The following CSMD1 variants were observed in gnomAD, a reference collection of about 807,000 sequenced individuals.
CSMD1 encodes CUB and Sushi multiple domains 1, also known as CUB and sushi domain-containing protein 1.
CSMD1 carries 213 observed loss-of-function variants against 417.5 expected under a neutral mutation model. That is an observed-to-expected ratio of 0.51 (90% CI 0.46 to 0.57). CSMD1 has a LOEUF of 0.57. CSMD1 is among the 20% of genes least tolerant of loss of function. CSMD1 has a pLI of 0.00. For synonymous variants in CSMD1, 2,862 were observed against 1,736.8 expected (o/e 1.65, Z -16.11); for missense variants, 6,923 against 4,529.7 (o/e 1.53, Z -15.17).
chr8:3,621,535 C>T (rs951961775), intron 7 of CSMD1, among the ~76,000 whole-genome samples: 13 of 152,128 alleles, frequency 8.5e-5, no homozygotes, highest in East Asian at 5.8e-4. Context: ...GATGGATGTA[C>T]AATAGCATCA....
At chr8:4,462,647 A>G (rs151123071) in intron 2 of CSMD1, among the ~76,000 whole-genome samples, 169 of 152,226 alleles carry the variant, frequency 1.1e-3, no homozygotes, top group African/African-American at 3.4e-3. Flanking sequence ...CACATGGATT[A>G]ATGAAATAAA....
At chr8:4,281,739 T>C (rs1404688775) in intron 3 of CSMD1, among the ~76,000 whole-genome samples, 2 of 152,210 alleles carry the variant, frequency 1.3e-5, no homozygotes, top group Admixed American at 6.5e-5. Flanking sequence ...ATCAATGTAA[T>C]GTCTCTACTT....
At chr8:4,539,950 T>A (rs1355902518) in intron 2 of CSMD1, among the ~76,000 whole-genome samples, 1 of 152,084 alleles carries the variant, frequency 6.6e-6, no homozygotes, top group Non-Finnish European at 1.5e-5. Context: ...CAGCCCAAAC[T>A]CCGCCCCGTC....
chr8:4,329,643 A>T (rs1270685266), intron 3 of CSMD1, among the ~76,000 whole-genome samples: 1 of 152,036 alleles, frequency 6.6e-6, no homozygotes, highest in Non-Finnish European at 1.5e-5. Flanking sequence ...AACCTCAGTG[A>T]TATCGTTTGG....
At chr8:4,225,065 T>C (rs1187239503) in intron 3 of CSMD1, among the ~76,000 whole-genome samples, 3 of 152,122 alleles carry the variant, frequency 2.0e-5, no homozygotes, top group African/African-American at 7.2e-5. Flanking sequence ...TGAGCTGACA[T>C]CACACCACTG....
intron 1 of CSMD1, among the ~76,000 whole-genome samples, chr8:4,990,718 A>G (rs1464028546): frequency 3.3e-5 from 5 of 152,016 alleles, no homozygotes; most frequent in African/African-American, 1.2e-4. Flanking sequence ...TCTTCACAGG[A>G]GTGTCCTGGC....
intron 3 of CSMD1, among the ~76,000 whole-genome samples, chr8:4,162,081 A>T (rs1463857472): frequency 6.6e-6 from 1 of 152,230 alleles, no homozygotes; most frequent in Non-Finnish European, 1.5e-5. Flanking sequence ...AGTAAGCATT[A>T]AGGCAACATT....
At chr8:4,023,524 G>A (rs1359673765) in intron 4 of CSMD1, among the ~76,000 whole-genome samples, 1 of 151,860 alleles carries the variant, frequency 6.6e-6, no homozygotes, top group African/African-American at 2.4e-5. Context: ...CATACGCTTG[G>A]CTCTGTGCTG....
intron 3 of CSMD1, among the ~76,000 whole-genome samples, chr8:4,090,434 A>C (rs369237694): frequency 6.6e-6 from 1 of 152,094 alleles, no homozygotes; most frequent in African/African-American, 2.4e-5. Flanking sequence ...GGACGTGTTT[A>C]ATTTTTTTAA....
intron 31 of CSMD1, among the ~76,000 whole-genome samples, chr8:3,204,680 C>G (rs1039137676): frequency 6.6e-6 from 1 of 152,146 alleles, no homozygotes; most frequent in Non-Finnish European, 1.5e-5. Context: ...GTTAAAAATG[C>G]TTTATCTCAA....
chr8:4,041,061 G>T (rs1351871649), intron 3 of CSMD1, among the ~76,000 whole-genome samples: 1 of 131,826 alleles, frequency 7.6e-6, no homozygotes, highest in African/African-American at 3.0e-5. Flanking sequence ...CTGTCGCCCA[G>T]GCTGGAGTGC....
chr8:4,068,480 C>CT (rs1799374975), intron 3 of CSMD1, among the ~76,000 whole-genome samples: 1 of 152,140 alleles, frequency 6.6e-6, no homozygotes, highest in African/African-American at 2.4e-5. Flanking sequence ...CACCATAACA[C>CT]ATAGCATCAT....
chr8:3,672,041 C>T (rs956252888), intron 7 of CSMD1, among the ~76,000 whole-genome samples: 1 of 152,090 alleles, frequency 6.6e-6, no homozygotes, highest in African/African-American at 2.4e-5. Context: ...AATGAAGAAG[C>T]AAATTAACAA....
chr8:4,091,891 G>A (rs186400252), intron 3 of CSMD1, among the ~76,000 whole-genome samples: 10 of 152,252 alleles, frequency 6.6e-5, no homozygotes, highest in Admixed American at 3.9e-4. Context: ...TGTAAGAACC[G>A]TACAGAGTTT....
At chr8:4,137,996 G>C (rs903885247) in intron 3 of CSMD1, among the ~76,000 whole-genome samples, 1 of 143,986 alleles carries the variant, frequency 6.9e-6, no homozygotes, top group Non-Finnish European at 1.5e-5. Flanking sequence ...TCCCGCCTCA[G>C]CCTCCAGAGT....
At chr8:4,014,044 T>C (rs986059975) in intron 4 of CSMD1, among the ~76,000 whole-genome samples, 1 of 152,196 alleles carries the variant, frequency 6.6e-6, no homozygotes, top group African/African-American at 2.4e-5. Context: ...TATTGATGTG[T>C]ATTGGAAATC....
intron 25 of CSMD1, among the ~76,000 whole-genome samples, chr8:3,291,648 T>C (rs1803575761): frequency 6.6e-6 from 1 of 152,214 alleles, no homozygotes; most frequent in African/African-American, 2.4e-5. Flanking sequence ...TGGTAGTTTG[T>C]GTTTCTGTGG....
chr8:3,046,046 C>G (rs1284654449), intron 50 of CSMD1, among the ~76,000 whole-genome samples: 2 of 152,142 alleles, frequency 1.3e-5, no homozygotes, highest in African/African-American at 2.4e-5. Flanking sequence ...TCATACCTGA[C>G]TTTTACTTTT....
intron 1 of CSMD1, among the ~76,000 whole-genome samples, chr8:4,905,179 A>G (rs948598456): frequency 6.6e-5 from 10 of 152,118 alleles, no homozygotes; most frequent in African/African-American, 2.4e-4. Context: ...ACATCTCTGA[A>G]AAAAAAAGTT....
Sources: allele counts gnomAD v4.1 joint callset (sites outside exome capture counted in the v4.1 genomes callset), GRCh38; gene constraint gnomAD v4.1.1; transcripts MANE v1.5; gene names NCBI Gene and HGNC (gene_info 2026-07-23, HGNC 2026-07-21).